The following CTNNA2 variants were observed in gnomAD, a reference collection of about 807,000 sequenced individuals.
CTNNA2 encodes the protein catenin alpha 2, also known as catenin alpha-2.
A neutral mutation model predicts 101.0 loss-of-function variants in CTNNA2; 42 were observed. That is an observed-to-expected ratio of 0.42 (90% CI 0.32 to 0.54). The LOEUF is 0.54. CTNNA2 is among the 20% of genes least tolerant of loss of function. The probability of loss-of-function intolerance (pLI) is 0.14; values close to 1 mark genes in which losing one functional copy is unlikely to be tolerated. For synonymous variants in CTNNA2, 450 were observed against 456.4 expected (o/e 0.99, Z 0.18); for missense variants, 871 against 1,223.1 (o/e 0.71, Z 4.29).
intron 7 of CTNNA2, among the ~76,000 whole-genome samples, chr2:80,178,535 C>A (rs1705545354): frequency 6.6e-6 from 1 of 152,224 alleles, no homozygotes. Context: ...ACCTCAGACA[C>A]CATTGGATCT....
Position 79,204,648 on chromosome 2 carries a change from T to G in CTNNA2, c.-406+6572T>G, listed in dbSNP as rs531477515. Reference sequence around the variant, plus strand: ...ATGCCTGAGACTAGGTAATTTATTTTTAAAAAATAGAAATTTATGTCTCAT... The same window carrying G: ...ATGCCTGAGACTAGGTAATTTATTTGTAAAAAATAGAAATTTATGTCTCAT... On this transcript the variant is annotated intron_variant, in intron 2 of 21. Transcript: ENST00000466387. 3.9e-5 allele frequency among the ~76,000 whole-genome samples: 6 copies of G among 152,330 alleles called. No individual in the cohort carries two copies. The South Asian group carries it at 1.2e-3, about 32-fold the overall frequency.
intron 7 of CTNNA2, among the ~76,000 whole-genome samples, chr2:80,204,497 T>A (rs190783805): frequency 3.3e-5 from 5 of 152,360 alleles, no homozygotes; most frequent in African/African-American, 1.2e-4. Context: ...TGCTAAAACA[T>A]AACAAGTGTC....
chr2:79,880,919 G>A (rs3961790), intron 6 of CTNNA2, among the ~76,000 whole-genome samples: 63,494 of 151,724 alleles, frequency 0.42, 13,548 homozygotes, highest in East Asian at 0.6. Flanking sequence ...TTAGTGTGTC[G>A]ACTTGAGATC....
chr2:79,578,547 TA>T (rs775638676), intron 1 of CTNNA2, among the ~76,000 whole-genome samples: 42 of 152,214 alleles, frequency 2.8e-4, no homozygotes, highest in Non-Finnish European at 4.7e-4. Context: ...ATTTAGAATA[TA>T]TTTTTTTCTG....
chr2:80,330,395 G>A (rs866205653), intron 7 of CTNNA2, among the ~76,000 whole-genome samples: 7 of 152,126 alleles, frequency 4.6e-5, no homozygotes, highest in South Asian at 2.1e-4. Flanking sequence ...TAGTGGGAGA[G>A]ATTAAGCCCT....
intron 17 of CTNNA2, 199 bp from the exon 18 acceptor site, chr2:80,618,886 A>C: frequency 2.6e-6 from 1 of 378,512 alleles, no homozygotes; most frequent in East Asian, 3.9e-5. Context: ...CCAATGAGAA[A>C]TCGAAATGGC....
chr2:80,444,347 T>C (rs1189989015), intron 9 of CTNNA2, among the ~76,000 whole-genome samples: 1 of 152,108 alleles, frequency 6.6e-6, no homozygotes, highest in Non-Finnish European at 1.5e-5. Flanking sequence ...AGAACAATGG[T>C]GGGAATGATA....
intron 12 of CTNNA2, among the ~76,000 whole-genome samples, chr2:80,571,837 CAG>C (rs1406768989): frequency 6.6e-6 from 1 of 152,138 alleles, no homozygotes; most frequent in East Asian, 1.9e-4. Flanking sequence ...AGCCTGTAGA[CAG>C]AGCTCCCTTA....
chr2:79,698,333 A>C (rs1266535414), intron 2 of CTNNA2, among the ~76,000 whole-genome samples: 1 of 152,028 alleles, frequency 6.6e-6, no homozygotes, highest in African/African-American at 2.4e-5. Context: ...TAGACAGTAA[A>C]TTGGAAGTGG....
Position 79,604,957 on chromosome 2 carries a change from TAC to T in CTNNA2, c.-5-46591_-5-46590del, listed in dbSNP as rs563974896. Among the ~76,000 whole-genome samples the T allele has an allele frequency of 7.1e-4, 108 of 152,266 alleles. 1 individual carries two copies. The East Asian group carries it at 0.018, about 25-fold the overall frequency. ...ATAACCAGAACCTAACACAGCAGAA[TAC>T]ACAGTGTCTGGCATCCAATCACAAA... On this transcript the variant is annotated intron_variant, in intron 1 of 18. Coordinates refer to ENST00000402739, the MANE Select transcript of CTNNA2 (RefSeq NM_001282597.3).
rs572167178 is a variant in CTNNA2, at chr2:79,728,196, A to G, written c.103-16191A>G. On this transcript the variant is annotated intron_variant, in intron 2 of 18. Transcript: ENST00000402739. Reference sequence around the variant, plus strand: ...TGAACTAGTTTACAGTCCCACCAACAGTGTAAAAGTGTTCCTATTTCTCCA... The same window carrying G: ...TGAACTAGTTTACAGTCCCACCAACGGTGTAAAAGTGTTCCTATTTCTCCA... 3.3e-5 allele frequency among the ~76,000 whole-genome samples: 5 copies of G among 152,232 alleles called. No individual in the cohort carries two copies. In the East Asian group the frequency reaches 7.7e-4, roughly 24 times the overall value.
At chr2:80,550,320 G>T (rs1035488140) in intron 11 of CTNNA2, among the ~76,000 whole-genome samples, 5 of 152,154 alleles carry the variant, frequency 3.3e-5, no homozygotes, top group Non-Finnish European at 7.3e-5. Context: ...TTGATGGTAG[G>T]GGGGGTTTCC....
intron 3 of CTNNA2, among the ~76,000 whole-genome samples, chr2:79,791,563 G>A (rs1409050925): frequency 6.6e-6 from 1 of 152,126 alleles, no homozygotes; most frequent in African/African-American, 2.4e-5. Context: ...CCTTTGTTAG[G>A]TAGGATTTTT....
At chr2:80,020,592 G>C (rs1464839281) in intron 7 of CTNNA2, among the ~76,000 whole-genome samples, 1 of 152,152 alleles carries the variant, frequency 6.6e-6, no homozygotes, top group African/African-American at 2.4e-5. Flanking sequence ...TGACAATAAA[G>C]TCATGTACAC....
chr2:79,551,329 A>G (rs1246935472), intron 1 of CTNNA2, among the ~76,000 whole-genome samples: 1 of 152,186 alleles, frequency 6.6e-6, no homozygotes, highest in Non-Finnish European at 1.5e-5. Flanking sequence ...GGGAGGGTAG[A>G]TAAAAGAGGC....
At chr2:80,556,650 G>A (rs973061667) in intron 12 of CTNNA2, among the ~76,000 whole-genome samples, 2 of 152,148 alleles carry the variant, frequency 1.3e-5, no homozygotes, top group Admixed American at 6.6e-5. Flanking sequence ...AGACTGGCCT[G>A]TTTTTAGTAG....
intron 7 of CTNNA2, 147 bp from the exon 8 acceptor site, chr2:80,393,064 C>A: frequency 1.1e-5 from 6 of 548,894 alleles, no homozygotes; most frequent in Non-Finnish European, 1.3e-5. Context: ...CTTTAGAGAC[C>A]AAATCATGTT....
intron 3 of CTNNA2, among the ~76,000 whole-genome samples, chr2:79,338,468 G>A (rs1487030043): frequency 6.6e-6 from 1 of 152,122 alleles, no homozygotes; most frequent in Non-Finnish European, 1.5e-5. Flanking sequence ...AACAAGATGG[G>A]AGGGTGAATG....
chr2:79,782,924 T>C (rs1014606717), intron 3 of CTNNA2, among the ~76,000 whole-genome samples: 1 of 152,114 alleles, frequency 6.6e-6, no homozygotes, highest in Non-Finnish European at 1.5e-5. Flanking sequence ...ATGTCATCTC[T>C]TTCATAAATT....
Sources: gnomAD v4.1 joint callset for allele counts (sites outside exome capture counted in the v4.1 genomes callset) on GRCh38, gnomAD v4.1.1 for gene constraint, MANE v1.5 for transcripts, NCBI Gene and HGNC (gene_info 2026-07-23, HGNC 2026-07-21) for gene names.